Variants in CACNB4 observed in about 807,000 individuals in gnomAD.
CACNB4 encodes calcium voltage-gated channel auxiliary subunit beta 4.
A neutral mutation model predicts 71.2 loss-of-function variants in CACNB4; 32 were observed. The ratio of observed to expected loss-of-function variants is 0.45; its 90% CI spans 0.34 to 0.60. The LOEUF (loss-of-function observed/expected upper bound fraction) is 0.60. CACNB4 is among the 20% of genes least tolerant of loss of function. The probability of loss-of-function intolerance (pLI) is 0.01; values close to 1 mark genes in which losing one functional copy is unlikely to be tolerated. For synonymous variants in CACNB4, 231 were observed against 236.9 expected, an observed-to-expected ratio of 0.97 and a Z score of 0.23; for missense variants, 464 against 647.9, an observed-to-expected ratio of 0.72 and a Z score of 3.08.
intron 2 of CACNB4, among the ~76,000 whole-genome samples, chr2:151,918,427 C>T (rs930909349): frequency 1.1e-4 from 17 of 152,306 alleles, no homozygotes; most frequent in African/African-American, 3.9e-4. Context: ...AGACTCATTT[C>T]CTTCCCTCTT....
chr2:152,037,542 A>T (rs1027911534), intron 2 of CACNB4, among the ~76,000 whole-genome samples: 3 of 152,240 alleles, frequency 2.0e-5, no homozygotes, highest in African/African-American at 7.2e-5. Context: ...GAGAGGCAAG[A>T]AATAAATGCT....
At chr2:152,091,187 CAAA>C (rs1444789477) in intron 2 of CACNB4, among the ~76,000 whole-genome samples, 2 of 152,080 alleles carry the variant, frequency 1.3e-5, no homozygotes, top group African/African-American at 4.8e-5. Flanking sequence ...ATTTAAGCCC[CAAA>C]ACAAGAAGAA....
At chr2:151,896,632 C>G (rs1000028559) in intron 2 of CACNB4, among the ~76,000 whole-genome samples, 1 of 152,170 alleles carries the variant, frequency 6.6e-6, no homozygotes. Context: ...TGGGGTAGTG[C>G]CCTTCCTCTC....
At chr2:151,890,749 T>C (rs1447634146) in intron 2 of CACNB4, among the ~76,000 whole-genome samples, 3 of 152,174 alleles carry the variant, frequency 2.0e-5, no homozygotes, top group African/African-American at 7.2e-5. Context: ...TCTGAGATCA[T>C]GGGAAGTGAA....
chr2:152,071,374 G>C (rs1486282996), intron 2 of CACNB4, among the ~76,000 whole-genome samples: 1 of 152,184 alleles, frequency 6.6e-6, no homozygotes, highest in Non-Finnish European at 1.5e-5. Context: ...AGGGGTGAGA[G>C]AGTTACAGAA....
At chr2:151,963,229 G>A (rs1221417826) in intron 2 of CACNB4, among the ~76,000 whole-genome samples, 4 of 149,980 alleles carry the variant, frequency 2.7e-5, no homozygotes, top group Admixed American at 1.3e-4. Flanking sequence ...GGAGAATGGC[G>A]TGAACCTGGG....
chr2:152,039,565 T>G (rs1214170743), intron 2 of CACNB4, among the ~76,000 whole-genome samples: 1 of 152,122 alleles, frequency 6.6e-6, no homozygotes, highest in Non-Finnish European at 1.5e-5. Context: ...TTCATATAGG[T>G]TTTATCTTAC....
intron 2 of CACNB4, among the ~76,000 whole-genome samples, chr2:151,923,602 T>G (rs1018541683): frequency 4.6e-5 from 7 of 152,204 alleles, no homozygotes; most frequent in African/African-American, 9.6e-5. Context: ...GTACAAAATA[T>G]CAGTCTTGGC....
At chr2:151,870,806 C>T in intron 7 of CACNB4, 36 bp downstream of exon 7, 1 of 1,565,382 alleles carries the variant, frequency 6.4e-7, no homozygotes, top group Non-Finnish European at 8.8e-7. Context: ...TATATAGGAA[C>T]CTTAACAGTA....
intron 2 of CACNB4, chr2:151,883,751 A>G (rs2099848569): frequency 3.4e-6 from 1 of 297,076 alleles, no homozygotes; most frequent in Non-Finnish European, 6.5e-6. Context: ...CTTATTACAA[A>G]AGATAAATCC....
chr2:151,885,994 G>A (rs1160033195), intron 2 of CACNB4, among the ~76,000 whole-genome samples: 1 of 150,888 alleles, frequency 6.6e-6, no homozygotes, highest in Non-Finnish European at 1.5e-5. Flanking sequence ...TCTTTTTTTT[G>A]TAGAGAGAGG....
chr2:152,079,614 TG>T (rs1213311765), intron 2 of CACNB4, among the ~76,000 whole-genome samples: 4 of 151,628 alleles, frequency 2.6e-5, no homozygotes, highest in Admixed American at 2.6e-4. Flanking sequence ...AGTGAAACCC[TG>T]TCTCTACAAA....
chr2:151,881,329 G>A (rs1160053945), intron 3 of CACNB4, among the ~76,000 whole-genome samples: 2 of 152,194 alleles, frequency 1.3e-5, no homozygotes, highest in African/African-American at 4.8e-5. Context: ...GTGGGAAGAG[G>A]ATAAAATAGT....
intron 2 of CACNB4, among the ~76,000 whole-genome samples, chr2:151,893,319 G>A (rs144759447): frequency 6.6e-6 from 1 of 152,212 alleles, no homozygotes; most frequent in African/African-American, 2.4e-5. Context: ...TTGGCTCACT[G>A]CAACATCTGC....
intron 2 of CACNB4, among the ~76,000 whole-genome samples, chr2:151,926,250 A>G (rs940754169): frequency 6.6e-6 from 1 of 152,218 alleles, no homozygotes; most frequent in East Asian, 1.9e-4. Flanking sequence ...AAGCCAGAGG[A>G]AAACCAAGAG....
chr2:152,093,458 G>A (rs1688096327), intron 2 of CACNB4, among the ~76,000 whole-genome samples: 1 of 150,168 alleles, frequency 6.7e-6, no homozygotes, highest in Admixed American at 6.6e-5. Flanking sequence ...CTTTTATAAC[G>A]TGACCTTGTT....
chr2:151,949,915 G>A (rs1396523159), intron 2 of CACNB4, among the ~76,000 whole-genome samples: 1 of 152,032 alleles, frequency 6.6e-6, no homozygotes, highest in African/African-American at 2.4e-5. Context: ...TGGCATGGTG[G>A]CACGCGCCTG....
chr2:151,836,186 T>G lies in CACNB4; in HGVS notation c.*2933A>C, dbSNP rs1472295930. 7 of 151,834 alleles carry G rather than the reference T, an allele frequency of 4.6e-5. No individual in the cohort carries two copies. Among genetic ancestry groups the G allele is most frequent in the Non-Finnish European group, 1.0e-4 (7 of 67,754 alleles). 9.4% of individuals were successfully genotyped at this position (151,834 alleles called of 1,614,324 possible). ...AGAACTACATTTCCACATTGTCACA[T>G]GAGTCCACATTATTATATGTCTGTG... On this transcript the variant is annotated 3_prime_UTR_variant, in exon 14 of 14. Coordinates refer to ENST00000539935, the MANE Select transcript of CACNB4 (RefSeq NM_000726.5).
chr2:151,963,124 A>G (rs1376333729), intron 2 of CACNB4, among the ~76,000 whole-genome samples: 1 of 152,000 alleles, frequency 6.6e-6, no homozygotes, highest in Non-Finnish European at 1.5e-5. Flanking sequence ...CATCCTGGCT[A>G]ACACAGTGAA....
Sources: gnomAD v4.1 joint callset for allele counts (sites outside exome capture counted in the v4.1 genomes callset) on GRCh38, gnomAD v4.1.1 for gene constraint, MANE v1.5 for transcripts, NCBI Gene and HGNC (gene_info 2026-07-23, HGNC 2026-07-21) for gene names.